ZC3H13: variants seen among roughly 807,000 people sequenced by gnomAD.
The protein encoded by ZC3H13 is zinc finger CCCH domain-containing protein 13.
A neutral mutation model predicts 204.1 loss-of-function variants in ZC3H13; 64 were observed. That is an observed-to-expected ratio of 0.31 (90% CI 0.26 to 0.39). The LOEUF (loss-of-function observed/expected upper bound fraction) is 0.39, where lower values mean the gene tolerates loss of function less well. ZC3H13 is among the 10% of genes least tolerant of loss of function. The probability of loss-of-function intolerance (pLI) is 1.00; values close to 1 mark genes in which losing one functional copy is unlikely to be tolerated. For synonymous variants in ZC3H13, 667 were observed against 693.7 expected (o/e 0.96, Z 0.60); for missense variants, 1,833 against 2,082.7 (o/e 0.88, Z 2.33).
chr13:46,011,610 A>G, intron 5 of ZC3H13, 56 bp from the exon 6 acceptor site: 1 of 1,392,266 alleles, frequency 7.2e-7, no homozygotes. Flanking sequence ...TATGCCAAAA[A>G]TCATACAGAC....
Position 46,003,302 on chromosome 13 carries a change from G to T in ZC3H13, c.781C>A (p.Pro261Thr), listed in dbSNP as rs754372189. The T allele has an allele frequency of 6.2e-7, 1 of 1,608,684 alleles. No homozygotes were observed. The highest frequency in any genetic ancestry group is 2.2e-5 in the East Asian group (1 of 44,750). Residue 261 changes from proline to threonine, a missense_variant, in exon 8 of 19, where the codon CCA (proline) becomes ACA (threonine). Physicochemically the swap from Pro to Thr is conservative, Grantham distance 38. Transcript: ENST00000679008. ...GGAGGGGGTGGACTAGGAGTACGTG[G>T]TCCTTTCTTTTTACTTTGGTTGGTT... ...SKTNQSKKKG[P>T]RTPSPPPPIP...
At chr13:45,997,609 A>G (rs9526127) in intron 8 of ZC3H13, among the ~76,000 whole-genome samples, 114,037 of 152,082 alleles carry the variant, frequency 0.75, 43,244 homozygotes, top group African/African-American at 0.85. Context: ...AATTCAGTAA[A>G]CATTAACTGT....
At chr13:46,046,484 C>CCA (rs1198987428) in intron 1 of ZC3H13, among the ~76,000 whole-genome samples, 1 of 49,622 alleles carries the variant, frequency 2.0e-5, no homozygotes, top group African/African-American at 1.2e-4. Flanking sequence ...TGGCAAAACT[C>CCA]CGTCTCTACT....
chr13:45,975,113 T>C (rs761094258), intron 12 of ZC3H13, among the ~76,000 whole-genome samples, 170 bp downstream of exon 12: 4 of 152,004 alleles, frequency 2.6e-5, no homozygotes, highest in African/African-American at 7.3e-5. Context: ...CCCAAAGTGC[T>C]GGGTAAAAAA....
At chr13:45,976,078 C>T (rs1166342894) in intron 11 of ZC3H13, 16 of 845,870 alleles carry the variant, frequency 1.9e-5, no homozygotes, top group Non-Finnish European at 2.3e-5. Flanking sequence ...CGTCAACCCC[C>T]TTCCCCCCTC....
Position 45,967,954 on chromosome 13 carries a change from C to T in ZC3H13, c.3871G>A (p.Gly1291Arg), listed in dbSNP as rs751133164. The T allele has an allele frequency of 1.9e-6, 3 of 1,613,908 alleles. No homozygotes were observed. The highest frequency in any genetic ancestry group is 2.5e-6 in the Non-Finnish European group (3 of 1,179,904). ...AGCCTGTCTCTGCTATCAAATGACC[C>T]AGATCTTGAATGGACCTGTCGATCT... Reference protein sequence around the residue: ...ESDRQVHSRSGSFDSRDRLQE... With the variant: ...ESDRQVHSRSRSFDSRDRLQE... Residue 1291 changes from glycine (G) to arginine (R), a missense_variant, in exon 15 of 19, where the codon GGG becomes AGG. Transcript: ENST00000679008.
In ZC3H13 at chr13:46,030,218, C is replaced by T. The variant is rs117677346; in HGVS notation, c.340-9661G>A. On this transcript the variant is annotated intron_variant, in intron 4 of 18. Coordinates refer to ENST00000679008, the MANE Select transcript of ZC3H13 (RefSeq NM_001330564.2). ...ACTCTTGGTAAATTAGAAACAGCGG[C>T]GAATTTCCTCAACTTGATAAAGATC... 4.1e-4 allele frequency among the ~76,000 whole-genome samples: 62 copies of T among 152,210 alleles called. 1 individual carries two copies. In the East Asian group the frequency reaches 0.01, roughly 25 times the overall value.
chr13:46,011,436 T>C lies in ZC3H13; in HGVS notation c.567A>G (p.Glu189=). 6.2e-7 allele frequency: 1 copy of C among 1,605,306 alleles called. No homozygotes were observed. Residue 189 remains glutamate, a synonymous_variant, in exon 6 of 19, where the codon GAA becomes GAG. Transcript: ENST00000679008. The part of the protein sequence containing the change: ...KLEQENMEKR[E]EIIIKKEVSP... ...ATACCTCCTTTTTAATGATAATTTC[T>C]TCTCTCTTCTCCATGTTTTCTTGTT... is the stretch of plus-strand genomic sequence containing the variant.
Position 45,967,858 on chromosome 13 carries a change from A to G in ZC3H13, c.3967T>C (p.Trp1323Arg). 1 of 1,613,710 alleles carries G rather than the reference A, an allele frequency of 6.2e-7. No homozygotes were observed. The highest frequency in any genetic ancestry group is 2.2e-5 in the East Asian group (1 of 44,860). ...CAATCTTTATCAGCATCTCGGTCCC[A>G]TTCTCTCTGCCTCGTATCTCTCCTC... The part of the protein sequence containing the change: ...RERRDTRQRE[W>R]DRDADKDWPR... Residue 1323 changes from tryptophan to arginine, a missense_variant, in exon 15 of 19, where the codon TGG becomes CGG. Trp to Arg is a moderately radical substitution (Grantham distance 101). Transcript: ENST00000679008.
chr13:46,049,691 C>T (rs1593851961), intron 1 of ZC3H13, among the ~76,000 whole-genome samples: 1 of 151,890 alleles, frequency 6.6e-6, no homozygotes, highest in South Asian at 2.1e-4. Flanking sequence ...ACTTTGGGCC[C>T]GTAAAGGAAA....
intron 8 of ZC3H13, among the ~76,000 whole-genome samples, chr13:46,000,352 C>T (rs565251546): frequency 3.3e-5 from 5 of 152,294 alleles, no homozygotes; most frequent in Admixed American, 2.0e-4. Flanking sequence ...CTAGATCTTC[C>T]GGATAACTTG....
chr13:46,047,227 G>A (rs988601143), intron 1 of ZC3H13, among the ~76,000 whole-genome samples: 3 of 152,054 alleles, frequency 2.0e-5, no homozygotes, highest in Non-Finnish European at 4.4e-5. Flanking sequence ...GTGCATCAAG[G>A]AAGGAAAATA....
At chr13:45,977,162 T>C (rs1018184441) in intron 11 of ZC3H13, among the ~76,000 whole-genome samples, 4 of 152,132 alleles carry the variant, frequency 2.6e-5, no homozygotes, top group African/African-American at 9.7e-5. Context: ...TCTTAAACCC[T>C]TTCACTTTTG....
intron 8 of ZC3H13, 111 bp downstream of exon 8, chr13:46,003,028 T>C: frequency 4.1e-6 from 4 of 965,318 alleles, no homozygotes; most frequent in South Asian, 3.2e-5. Flanking sequence ...ATACACACTA[T>C]TGTAAACAAA....
At chr13:46,024,519 C>T (rs1486744109) in intron 4 of ZC3H13, among the ~76,000 whole-genome samples, 1 of 152,108 alleles carries the variant, frequency 6.6e-6, no homozygotes, top group Non-Finnish European at 1.5e-5. Context: ...TTGTTTGTTA[C>T]TGATGTCATC....
chr13:45,961,636 T>G (rs1951698523), intron 17 of ZC3H13, among the ~76,000 whole-genome samples: 1 of 151,290 alleles, frequency 6.6e-6, no homozygotes, highest in Admixed American at 6.6e-5. Context: ...GAATAAGACT[T>G]AGTATTTGAT....
chr13:45,984,898 A>T (rs567996511), intron 10 of ZC3H13, among the ~76,000 whole-genome samples: 6 of 152,242 alleles, frequency 3.9e-5, no homozygotes, highest in Non-Finnish European at 7.3e-5. Context: ...AGAATACACA[A>T]ATCAGTCATT....
chr13:45,991,991 TA>T (rs2040002126), intron 8 of ZC3H13, among the ~76,000 whole-genome samples: 2 of 152,184 alleles, frequency 1.3e-5, no homozygotes, highest in Non-Finnish European at 2.9e-5. Context: ...TTAAAAATAG[TA>T]ACACCAATGT....
At chr13:46,016,486 A>G (rs1408510350) in intron 5 of ZC3H13, among the ~76,000 whole-genome samples, 1 of 152,198 alleles carries the variant, frequency 6.6e-6, no homozygotes, top group Non-Finnish European at 1.5e-5. Flanking sequence ...CAAAAAGAGT[A>G]CATGCTGTCA....
Sources: gnomAD v4.1 joint callset for allele counts (sites outside exome capture counted in the v4.1 genomes callset) on GRCh38, gnomAD v4.1.1 for gene constraint, MANE v1.5 for transcripts, NCBI Gene and HGNC (gene_info 2026-07-23, HGNC 2026-07-21) for gene names.